The following SLC35F3 variants were observed in gnomAD, a reference collection of about 807,000 sequenced individuals.
The protein encoded by SLC35F3 is putative thiamine transporter SLC35F3.
SLC35F3 carries 25 observed loss-of-function variants against 49.9 expected under a neutral mutation model. That is an observed-to-expected ratio of 0.50 (90% CI 0.37 to 0.70). SLC35F3 has a LOEUF of 0.70. Among genes scored for constraint, SLC35F3 ranks in the 30% least tolerant of loss-of-function variants. The pLI is 0.00. For synonymous variants in SLC35F3, 275 were observed against 265.4 expected (o/e 1.04, Z -0.35); for missense variants, 525 against 639.8 (o/e 0.82, Z 1.94).
At chr1:234,075,834 A>G (rs142383568) in intron 2 of SLC35F3, among the ~76,000 whole-genome samples, 26 of 152,334 alleles carry the variant, frequency 1.7e-4, no homozygotes, top group Non-Finnish European at 3.1e-4. Context: ...CTCTGTGTTC[A>G]CCTTATCTTA....
At chr1:234,154,891 A>G (rs1666128453) in intron 2 of SLC35F3, among the ~76,000 whole-genome samples, 2 of 152,280 alleles carry the variant, frequency 1.3e-5, no homozygotes, top group Admixed American at 6.5e-5. Flanking sequence ...ATAAGCAAGT[A>G]TGTAAATCAT....
intron 2 of SLC35F3, among the ~76,000 whole-genome samples, chr1:233,964,277 T>TGAG (rs1420974792): frequency 6.6e-6 from 1 of 152,174 alleles, no homozygotes; most frequent in African/African-American, 2.4e-5. Flanking sequence ...GGGGTAGATG[T>TGAG]GAGGCGTGCT....
chr1:234,288,091 T>C (rs1374973325), intron 3 of SLC35F3, among the ~76,000 whole-genome samples: 1 of 151,924 alleles, frequency 6.6e-6, no homozygotes, highest in Non-Finnish European at 1.5e-5. Context: ...CTCGCTATGT[T>C]GCCCAGCCTT....
At chr1:234,212,357 G>A (rs1324001854) in intron 2 of SLC35F3, among the ~76,000 whole-genome samples, 2 of 152,222 alleles carry the variant, frequency 1.3e-5, no homozygotes, top group African/African-American at 4.8e-5. Flanking sequence ...GTGAAGTCAT[G>A]TATCATATAT....
chr1:234,182,305 T>G (rs1468580993), intron 2 of SLC35F3, among the ~76,000 whole-genome samples: 1 of 152,238 alleles, frequency 6.6e-6, no homozygotes, highest in Non-Finnish European at 1.5e-5. Flanking sequence ...ATTGATTGAT[T>G]GATTGATCTC....
At chr1:234,202,075 A>G (rs1666908496) in intron 2 of SLC35F3, among the ~76,000 whole-genome samples, 1 of 152,234 alleles carries the variant, frequency 6.6e-6, no homozygotes, top group African/African-American at 2.4e-5. Context: ...CAAGCTATAA[A>G]AAGGAAAAAG....
At chr1:234,221,181 G>A (rs1477135994) in intron 2 of SLC35F3, among the ~76,000 whole-genome samples, 1 of 152,006 alleles carries the variant, frequency 6.6e-6, no homozygotes, top group Non-Finnish European at 1.5e-5. Context: ...TGGTCTGCCA[G>A]CCAGATTGCA....
chr1:234,052,573 C>G (rs188172108), intron 2 of SLC35F3, among the ~76,000 whole-genome samples: 79 of 152,114 alleles, frequency 5.2e-4, no homozygotes, highest in Middle Eastern at 6.8e-3. Flanking sequence ...TTTTGTTGAT[C>G]TTTTCAAAAA....
Position 234,232,532 on chromosome 1 carries a change from A to AAAAAG in SLC35F3, c.608+795_608+796insGAAAA, listed in dbSNP as rs1292884891. ...ATCAGGCCTAGTCAAAAAAAAAAAAAAAAAAAAAGAAAAAGAAAAAAAGAA... is the reference window on the plus strand; with the variant it reads ...ATCAGGCCTAGTCAAAAAAAAAAAAAAAAAGAAAAAAAAGAAAAAGAAAAAAAGAA... On this transcript the variant is annotated intron_variant, in intron 3 of 7. Coordinates refer to ENST00000366618, the MANE Select transcript of SLC35F3 (RefSeq NM_173508.4). Among the ~76,000 whole-genome samples the AAAAAG allele has an allele frequency of 8.1e-5, 12 of 147,738 alleles. 1 individual carries two copies. The highest frequency in any genetic ancestry group is 2.1e-4 in the South Asian group (1 of 4,792).
intron 2 of SLC35F3, among the ~76,000 whole-genome samples, chr1:233,907,366 T>TG (rs1661793733): frequency 6.6e-6 from 1 of 152,240 alleles, no homozygotes; most frequent in Admixed American, 6.5e-5. Context: ...ACAGCAGTGA[T>TG]GACTGTTTGG....
In SLC35F3 at chr1:234,046,765, T is replaced by TCA. The variant is rs1664296897; in HGVS notation, c.283+141007_283+141008insCA. Among the ~76,000 whole-genome samples, 1 of 152,238 alleles carries TCA rather than the reference T, an allele frequency of 6.6e-6. No individual in the cohort carries two copies. The highest frequency in any genetic ancestry group is 2.1e-4 in the South Asian group (1 of 4,832). On this transcript the variant is annotated intron_variant, in intron 2 of 7. Transcript: ENST00000366618. This position sits in a 1 kb window ranked among gnomAD's most constrained non-coding sequence, Gnocchi z 4.4. ...TTTAATCCCTGAAATTTGTCTGTAA[T>TCA]GATAATAGACCTCTAATGCTAATAT...
At chr1:234,038,832 C>T (rs959932944) in intron 2 of SLC35F3, among the ~76,000 whole-genome samples, 5 of 152,130 alleles carry the variant, frequency 3.3e-5, no homozygotes, top group Non-Finnish European at 5.9e-5. Context: ...CAAGACATCA[C>T]TGAAGATAAC....
At chr1:234,111,847 G>A (rs1665411902) in intron 2 of SLC35F3, among the ~76,000 whole-genome samples, 1 of 152,182 alleles carries the variant, frequency 6.6e-6, no homozygotes, top group Non-Finnish European at 1.5e-5. Context: ...AATGAGATGG[G>A]GCTTTCAGAA....
At chr1:233,933,005 A>T in intron 2 of SLC35F3, among the ~76,000 whole-genome samples, 1 of 150,652 alleles carries the variant, frequency 6.6e-6, no homozygotes, top group East Asian at 2.0e-4. Context: ...GCATATGCTT[A>T]AAGAAAACCA....
chr1:233,908,536 C>CTTTT (rs898041195), intron 2 of SLC35F3, among the ~76,000 whole-genome samples: 157 of 84,832 alleles, frequency 1.9e-3, no homozygotes, highest in Non-Finnish European at 2.5e-3. Flanking sequence ...GTAAAGGATT[C>CTTTT]TTTTTTTTTT....
intron 2 of SLC35F3, among the ~76,000 whole-genome samples, chr1:234,103,703 C>T (rs1470159154): frequency 6.6e-6 from 1 of 152,234 alleles, no homozygotes; most frequent in Non-Finnish European, 1.5e-5. Context: ...GCTGTATCCT[C>T]TTCTTTGGTG....
At chr1:234,168,916 A>G (rs1405029895) in intron 2 of SLC35F3, among the ~76,000 whole-genome samples, 2 of 152,146 alleles carry the variant, frequency 1.3e-5, no homozygotes, top group African/African-American at 2.4e-5. Context: ...GAGATTTATT[A>G]TGGGAATTGG....
At position 233,957,573 on chromosome 1, in the gene SLC35F3, G is replaced by T. The variant is rs1306654985; in HGVS notation, c.283+51815G>T. ...CTCGTGCCTGTAATCCCAGCACTTT[G>T]GGAGGCCGAGGCAGGTGGATCACCT... On this transcript the variant is annotated intron_variant, in intron 2 of 7. Transcript: ENST00000366618. The surrounding 1 kb of genome is among the most constrained non-coding windows in gnomAD (Gnocchi z 4.0). 6.6e-6 allele frequency among the ~76,000 whole-genome samples: 1 copy of T among 152,164 alleles called. No individual in the cohort carries two copies. The highest frequency in any genetic ancestry group is 2.4e-5 in the African/African-American group (1 of 41,432).
At chr1:234,146,371 A>T (rs1445151126) in intron 2 of SLC35F3, among the ~76,000 whole-genome samples, 1 of 151,320 alleles carries the variant, frequency 6.6e-6, no homozygotes, top group Non-Finnish European at 1.5e-5. Flanking sequence ...CTTCATTTCC[A>T]TGATATTACT....
Sources: gnomAD v4.1 joint callset for allele counts (sites outside exome capture counted in the v4.1 genomes callset) on GRCh38, gnomAD v4.1.1 for gene constraint, Gnocchi (gnomAD v3.1) non-coding constraint, MANE v1.5 for transcripts, NCBI Gene and HGNC (gene_info 2026-07-23, HGNC 2026-07-21) for gene names.